TCF7L2: variants seen among roughly 807,000 people sequenced by gnomAD.
The protein encoded by TCF7L2 is transcription factor 7 like 2, also known as transcription factor 7-like 2.
Under a neutral mutation model 77.9 loss-of-function variants are expected in TCF7L2, and 23 were observed. The observed-to-expected ratio is 0.30, with a 90% CI of 0.21 to 0.42. The LOEUF (loss-of-function observed/expected upper bound fraction) is 0.42. Among genes scored for constraint, TCF7L2 ranks in the 10% least tolerant of loss-of-function variants. TCF7L2 has a pLI of 1.00. For synonymous variants in TCF7L2, 413 were observed against 340.2 expected, an observed-to-expected ratio of 1.21 and a Z score of -2.36; for missense variants, 654 against 793.1, an observed-to-expected ratio of 0.82 and a Z score of 2.11.
chr10:113,029,961 A>G (rs1008616004), intron 4 of TCF7L2, among the ~76,000 whole-genome samples: 4 of 152,198 alleles, frequency 2.6e-5, no homozygotes, highest in Non-Finnish European at 5.9e-5. Context: ...TAAGGTGTAC[A>G]GTTCAGTGGT....
At chr10:112,972,362 A>G (rs764605123) in intron 4 of TCF7L2, among the ~76,000 whole-genome samples, 6 of 152,250 alleles carry the variant, frequency 3.9e-5, no homozygotes, top group Non-Finnish European at 8.8e-5. Context: ...AGCTTGGACA[A>G]TAAGGTGCTT....
intron 3 of TCF7L2, among the ~76,000 whole-genome samples, chr10:112,958,073 C>T (rs1412290506): frequency 1.3e-5 from 2 of 152,218 alleles, no homozygotes; most frequent in Non-Finnish European, 2.9e-5. Flanking sequence ...AATCCCTAAA[C>T]AGCTCATTAC....
chr10:113,096,259 C>T (rs1177201649), intron 5 of TCF7L2, among the ~76,000 whole-genome samples: 3 of 152,100 alleles, frequency 2.0e-5, no homozygotes, highest in East Asian at 3.9e-4. Flanking sequence ...CCTTTTATGA[C>T]GTCAGCAAGG....
chr10:112,957,393 G>A (rs571079236), intron 3 of TCF7L2, among the ~76,000 whole-genome samples: 15 of 151,562 alleles, frequency 9.9e-5, no homozygotes, highest in Middle Eastern at 3.4e-3. Flanking sequence ...GAGATGAGGT[G>A]AAGAGAGTTG....
At chr10:113,095,824 C>T (rs1045005872) in intron 5 of TCF7L2, among the ~76,000 whole-genome samples, 7 of 152,226 alleles carry the variant, frequency 4.6e-5, no homozygotes, top group Non-Finnish European at 1.0e-4. Flanking sequence ...GCATCCTAGC[C>T]TCAGTGAGCC....
chr10:113,165,288 C>T (rs904795025), intron 13 of TCF7L2, among the ~76,000 whole-genome samples: 20 of 152,108 alleles, frequency 1.3e-4, no homozygotes, highest in African/African-American at 4.6e-4. Context: ...CATGGTGGGG[C>T]ATGGGTGTTT....
At chr10:112,982,679 G>A (rs1189997384) in intron 4 of TCF7L2, among the ~76,000 whole-genome samples, 1 of 152,106 alleles carries the variant, frequency 6.6e-6, no homozygotes, top group Non-Finnish European at 1.5e-5. Flanking sequence ...GGAGTGCAGT[G>A]GTGCGATCTT....
rs148050954 is a variant in TCF7L2 at position 113,160,664 on chromosome 10, G to C, written c.1364G>C (p.Arg455Pro). 6.3e-7 allele frequency: 1 copy of C among 1,596,096 alleles called. No individual in the cohort carries two copies. The highest frequency in any genetic ancestry group is 8.5e-7 in the Non-Finnish European group (1 of 1,170,944). The change falls in exon 13 of 14, where the codon CGA (arginine) becomes CCA (proline). Residue 455 changes from arginine to proline, a missense_variant. Arg to Pro is a moderately radical substitution (Grantham distance 103). Transcript: ENST00000627217. ...TGTCGGGCACTGTTCGGGCTTGACC[G>C]ACAGACTTTATGGTGCAAACCGTGC... is the stretch of plus-strand genomic sequence containing the variant.
At chr10:113,117,440 T>C (rs2063985413) in intron 5 of TCF7L2, among the ~76,000 whole-genome samples, 2 of 75,810 alleles carry the variant, frequency 2.6e-5, no homozygotes, top group South Asian at 3.3e-4. Flanking sequence ...TCTCCCTCTC[T>C]CTCTCTCTCT....
chr10:113,148,047 T>G (rs917847308), intron 8 of TCF7L2, among the ~76,000 whole-genome samples: 1 of 152,222 alleles, frequency 6.6e-6, no homozygotes, highest in Non-Finnish European at 1.5e-5. Flanking sequence ...ATGGCAGTTA[T>G]AGCAAATGTA....
At chr10:113,097,639 TG>T (rs1203438813) in intron 5 of TCF7L2, among the ~76,000 whole-genome samples, 1 of 108,468 alleles carries the variant, frequency 9.2e-6, no homozygotes, top group African/African-American at 4.3e-5. Context: ...GTAAGACTCT[TG>T]TCTCGGAAAA....
At chr10:113,121,483 C>T (rs2064762343) in intron 5 of TCF7L2, among the ~76,000 whole-genome samples, 1 of 152,122 alleles carries the variant, frequency 6.6e-6, no homozygotes, top group Non-Finnish European at 1.5e-5. Flanking sequence ...TTTTACTGTG[C>T]TAGTGGCAGA....
rs2134265098 is a variant in TCF7L2 at position 113,040,080 on chromosome 10, G to C, written c.506G>C (p.Arg169Thr). ...GTCCAGGCAGGGAGCCTCCAGAGTA[G>C]ACAAGCCCTCAAGGATGCCCGGTCC... The change falls in exon 5 of 14, where the codon AGA (arginine) becomes ACA (threonine). Residue 169 changes from arginine to threonine, a missense_variant. This residue lies in a region of TCF7L2 where 179 missense variants were observed against 270.6 expected (regional missense o/e 0.66). Transcript: ENST00000627217. 1 of 1,613,988 alleles carries C rather than the reference G, an allele frequency of 6.2e-7. No individual in the cohort carries two copies. The highest frequency in any genetic ancestry group is 8.5e-7 in the Non-Finnish European group (1 of 1,179,946).
intron 3 of TCF7L2, among the ~76,000 whole-genome samples, chr10:112,961,263 C>CA (rs969166371): frequency 8.3e-6 from 1 of 121,130 alleles, no homozygotes; most frequent in Non-Finnish European, 1.8e-5. Context: ...GACCCCCCCC[C>CA]CCCCAACCTC....
In TCF7L2 at chr10:113,075,229, C is replaced by T. The variant is rs535735315; in HGVS notation, c.552+35103C>T. On this transcript the variant is annotated intron_variant, in intron 5 of 13. Coordinates refer to ENST00000627217, the MANE Select transcript of TCF7L2 (RefSeq NM_001146274.2). ...ATCCCAGCACTTTGGGAGGCAGAGG[C>T]GGGCAGATCACCTGAGGTCAGGAGT... is the stretch of plus-strand genomic sequence containing the variant. Among the ~76,000 whole-genome samples the T allele has an allele frequency of 6.8e-4, 104 of 152,230 alleles. 1 individual carries two copies. The highest frequency in any genetic ancestry group is 2.4e-3 in the African/African-American group (101 of 41,562).
At position 113,093,167 on chromosome 10, in the gene TCF7L2, G is replaced by C. The variant is rs555209732; in HGVS notation, c.553-48017G>C. The stretch of plus-strand genomic sequence containing the variant: ...GGCTTCCTGTGATCCAGGAACTACT[G>C]TACGAACTACTGTAACTACCTCCTA... On this transcript the variant is annotated intron_variant, in intron 5 of 13. Coordinates refer to ENST00000627217, the MANE Select transcript of TCF7L2 (RefSeq NM_001146274.2). Among the ~76,000 whole-genome samples the C allele has an allele frequency of 3.3e-5, 5 of 152,280 alleles. No homozygotes were observed. In the South Asian group the frequency reaches 1.0e-3, roughly 32 times the overall value.
chr10:112,961,879 T>C (rs2035341919), intron 3 of TCF7L2, among the ~76,000 whole-genome samples: 2 of 149,468 alleles, frequency 1.3e-5, no homozygotes, highest in Non-Finnish European at 3.0e-5. Context: ...CTGTGGGCGC[T>C]CGCGTGTGCG....
intron 3 of TCF7L2, among the ~76,000 whole-genome samples, chr10:112,958,457 T>A (rs1189948410): frequency 6.6e-6 from 1 of 151,980 alleles, no homozygotes; most frequent in Non-Finnish European, 1.5e-5. Flanking sequence ...CTTGCAGTCT[T>A]CAGCTTGAAA....
At chr10:113,056,313 C>A (rs140831877) in intron 5 of TCF7L2, among the ~76,000 whole-genome samples, 1 of 152,124 alleles carries the variant, frequency 6.6e-6, no homozygotes, top group East Asian at 1.9e-4. Flanking sequence ...TGCCTTCTTG[C>A]GAATTACTTG....
Sources: gnomAD v4.1 joint callset for allele counts (sites outside exome capture counted in the v4.1 genomes callset) on GRCh38, gnomAD v4.1.1 for gene constraint, gnomAD v4.1.1 regional missense constraint, MANE v1.5 for transcripts, NCBI Gene and HGNC (gene_info 2026-07-23, HGNC 2026-07-21) for gene names.